Variants in MAP2K5 observed in about 807,000 individuals in gnomAD.
MAP2K5 encodes the protein dual specificity mitogen-activated protein kinase kinase 5.
Under a neutral mutation model 83.1 loss-of-function variants are expected in MAP2K5, and 49 were observed. The ratio of observed to expected loss-of-function variants is 0.59; its 90% CI spans 0.47 to 0.75. MAP2K5 has a LOEUF of 0.75. Ranked by LOEUF, MAP2K5 falls within the 30% of genes least tolerant of loss-of-function variation. The pLI, the probability that MAP2K5 is intolerant of heterozygous loss-of-function variation, is 0.00. For missense variants in MAP2K5, 457 were observed against 557.5 expected (o/e 0.82, Z 1.82); for synonymous variants, 202 against 191.8 (o/e 1.05, Z -0.44).
chr15:67,590,979 G>C (rs1281942511), intron 6 of MAP2K5, among the ~76,000 whole-genome samples: 1 of 152,170 alleles, frequency 6.6e-6, no homozygotes, highest in Non-Finnish European at 1.5e-5. Flanking sequence ...TTGGGGGAGG[G>C]TATGGTAGGA....
chr15:67,664,689 T>TC (rs2087329728), intron 13 of MAP2K5, 44 bp downstream of exon 13: 1 of 1,326,860 alleles, frequency 7.5e-7, no homozygotes, highest in Admixed American at 1.8e-5. Context: ...TGGGGTGGGG[T>TC]TGGGTCTCTC....
At chr15:67,601,085 G>A (rs903510552) in intron 8 of MAP2K5, among the ~76,000 whole-genome samples, 25 of 151,740 alleles carry the variant, frequency 1.6e-4, no homozygotes, top group Non-Finnish European at 2.8e-4. Context: ...AGTACCCTAC[G>A]CTAGTCCCCT....
In MAP2K5 at chr15:67,598,232, A is replaced by G. The variant is rs1269721223; in HGVS notation, c.481-2453A>G. On this transcript the variant is annotated intron_variant, in intron 7 of 21. Transcript: ENST00000178640. ...AAAAAAAAAAACTAAAACTAAAACT[A>G]AAAAACTGTCAATCAGTTCACAGGC... Among the ~76,000 whole-genome samples, 4 of 152,114 alleles carry G rather than the reference A, an allele frequency of 2.6e-5. No individual in the cohort carries two copies. In the East Asian group the frequency reaches 7.7e-4, roughly 29 times the overall value.
At chr15:67,574,230 C>G (rs2085007754) in intron 3 of MAP2K5, among the ~76,000 whole-genome samples, 1 of 152,112 alleles carries the variant, frequency 6.6e-6, no homozygotes, top group Non-Finnish European at 1.5e-5. Flanking sequence ...GGTCACTGGA[C>G]TGGTGAGAAG....
At chr15:67,546,494 C>A in intron 1 of MAP2K5, 1 of 678,968 alleles carries the variant, frequency 1.5e-6, no homozygotes, top group Non-Finnish European at 1.8e-6. Flanking sequence ...GCTGGGAGAC[C>A]CTGGGCAAGT....
At position 67,652,651 on chromosome 15, in the gene MAP2K5, A is replaced by G. The variant is rs1435733413; in HGVS notation, c.737-5902A>G. 6.6e-6 allele frequency among the ~76,000 whole-genome samples: 1 copy of G among 152,214 alleles called. No individual in the cohort carries two copies. Among genetic ancestry groups the G allele is most frequent in the Non-Finnish European group, 1.5e-5 (1 of 68,030 alleles). ...GAGTTTTGAAGGGGACAAATATTCA[A>G]ACTGTATCAGCCATTTTAAGTATAT... On this transcript the variant is annotated intron_variant, in intron 11 of 21. Coordinates refer to ENST00000178640, the MANE Select transcript of MAP2K5 (RefSeq NM_145160.3). This position sits in a 1 kb window ranked among gnomAD's most constrained non-coding sequence, Gnocchi z 4.2.
At chr15:67,548,987 G>C (rs2084452510) in intron 1 of MAP2K5, 1 of 1,398,364 alleles carries the variant, frequency 7.2e-7, no homozygotes, top group Non-Finnish European at 9.3e-7. Flanking sequence ...CTAAAGAATT[G>C]CCTTTAGAAG....
rs1331641521 is a variant in MAP2K5, at chr15:67,697,260, A to G, written c.972+3692A>G. Among the ~76,000 whole-genome samples, 7 of 152,206 alleles carry G rather than the reference A, an allele frequency of 4.6e-5. No homozygotes were observed. The East Asian group carries it at 1.2e-3, about 25-fold the overall frequency. ...TAGTGATAATAACATCAGTAATAATAATAGCTTACACTTAGGTAGCTTTAT... is the reference window on the plus strand; with the variant it reads ...TAGTGATAATAACATCAGTAATAATGATAGCTTACACTTAGGTAGCTTTAT... On this transcript the variant is annotated intron_variant, in intron 15 of 21. Coordinates refer to ENST00000178640, the MANE Select transcript of MAP2K5 (RefSeq NM_145160.3).
rs191801454 is a variant in MAP2K5 at position 67,778,717 on chromosome 15, G to A, written c.1242+5965G>A. The stretch of plus-strand genomic sequence containing the variant: ...ACCTGTTACTGTTTACTAGAAGCAC[G>A]GGGCTCAGATCAATTCAAAATGATC... On this transcript the variant is annotated intron_variant, in intron 21 of 21. Coordinates refer to ENST00000178640, the MANE Select transcript of MAP2K5 (RefSeq NM_145160.3). The surrounding 1 kb of genome is among the most constrained non-coding windows in gnomAD (Gnocchi z 5.0). 2.8e-3 allele frequency among the ~76,000 whole-genome samples: 427 copies of A among 152,248 alleles called. 1 individual carries two copies. The highest frequency in any genetic ancestry group is 9.9e-3 in the African/African-American group (411 of 41,530).
At chr15:67,589,408 C>T (rs2085351738) in intron 6 of MAP2K5, among the ~76,000 whole-genome samples, 1 of 152,172 alleles carries the variant, frequency 6.6e-6, no homozygotes, top group Non-Finnish European at 1.5e-5. Context: ...TACTAATGCA[C>T]ATGGTGTTCC....
rs1350469468 is a variant in MAP2K5, at chr15:67,760,226, G to C, written c.1135-9376G>C. Among the ~76,000 whole-genome samples, 1 of 152,104 alleles carries C rather than the reference G, an allele frequency of 6.6e-6. No individual in the cohort carries two copies. Among genetic ancestry groups the C allele is most frequent in the East Asian group, 1.9e-4 (1 of 5,198 alleles). On this transcript the variant is annotated intron_variant, in intron 19 of 21. Coordinates refer to ENST00000178640, the MANE Select transcript of MAP2K5 (RefSeq NM_145160.3). This position sits in a 1 kb window ranked among gnomAD's most constrained non-coding sequence, Gnocchi z 4.1. ...ACCAAAACACAGCAGTAATCCAAAA[G>C]TTAATGTTCTGTTCACTTATAATTA...
In MAP2K5 at chr15:67,572,998, A is replaced by G. The variant is rs2084979301; in HGVS notation, c.253-7756A>G. On this transcript the variant is annotated intron_variant, in intron 3 of 21. Coordinates refer to ENST00000178640, the MANE Select transcript of MAP2K5 (RefSeq NM_145160.3). The surrounding 1 kb of genome is among the most constrained non-coding windows in gnomAD (Gnocchi z 4.2). ...GGCGTGAGCCACCGTGCCTGGCCTG[A>G]TATTATTTTGTTTAAAGCAAAATTA... Among the ~76,000 whole-genome samples, 1 of 152,080 alleles carries G rather than the reference A, an allele frequency of 6.6e-6. No individual in the cohort carries two copies. The highest frequency in any genetic ancestry group is 1.5e-5 in the Non-Finnish European group (1 of 67,998).
chr15:67,702,373 C>T lies in MAP2K5; in HGVS notation c.973-964C>T, dbSNP rs147435626. Among the ~76,000 whole-genome samples, 505 of 152,264 alleles carry T rather than the reference C, an allele frequency of 3.3e-3. 1 individual carries two copies. Among genetic ancestry groups the T allele is most frequent in the Non-Finnish European group, 5.5e-3 (373 of 68,004 alleles). On this transcript the variant is annotated intron_variant, in intron 15 of 21. Coordinates refer to ENST00000178640, the MANE Select transcript of MAP2K5 (RefSeq NM_145160.3). The surrounding 1 kb of genome is among the most constrained non-coding windows in gnomAD (Gnocchi z 4.6). The stretch of plus-strand genomic sequence containing the variant: ...TAATGATGGTGACAATAATGTTATT[C>T]CTGTAGCCGGCTAGCCAGTTCCATA...
Position 67,752,408 on chromosome 15 carries a change from G to A in MAP2K5, c.1134+3807G>A, listed in dbSNP as rs568338977. 8.3e-4 allele frequency among the ~76,000 whole-genome samples: 127 copies of A among 152,136 alleles called. 1 individual carries two copies. The highest frequency in any genetic ancestry group is 2.8e-3 in the African/African-American group (118 of 41,538). ...CAAAGACTGAAGACAGGCTGGGCAC[G>A]GTGGCTCACGCCTGTAATTCCAGCA... On this transcript the variant is annotated intron_variant, in intron 19 of 21. Coordinates refer to ENST00000178640, the MANE Select transcript of MAP2K5 (RefSeq NM_145160.3).
At position 67,750,859 on chromosome 15, in the gene MAP2K5, G is replaced by C. The variant is rs2089702888; in HGVS notation, c.1134+2258G>C. 6.6e-6 allele frequency among the ~76,000 whole-genome samples: 1 copy of C among 151,830 alleles called. No individual in the cohort carries two copies. Among genetic ancestry groups the C allele is most frequent in the Non-Finnish European group, 1.5e-5 (1 of 67,998 alleles). Reference sequence around the variant, plus strand: ...GTGGGATTTACCCCGTTGTGAAGTGGGTATCTGTTGCTAGTATATACTATT... The same window carrying C: ...GTGGGATTTACCCCGTTGTGAAGTGCGTATCTGTTGCTAGTATATACTATT... On this transcript the variant is annotated intron_variant, in intron 19 of 21. Coordinates refer to ENST00000178640, the MANE Select transcript of MAP2K5 (RefSeq NM_145160.3). This position sits in a 1 kb window ranked among gnomAD's most constrained non-coding sequence, Gnocchi z 4.2.
chr15:67,767,363 T>C (rs1194616526), intron 19 of MAP2K5, among the ~76,000 whole-genome samples: 3 of 152,212 alleles, frequency 2.0e-5, no homozygotes, highest in African/African-American at 7.2e-5. Context: ...GTCCAGAATT[T>C]TAACCATCTT....
rs751957423 is a variant in MAP2K5, at chr15:67,719,928, AC to A, written c.1045-7986del. ...AGTGCACAGAATACCATGGAAAAAG[AC>A]CTTTGCCATTGTTTTTAACTGACTT... On this transcript the variant is annotated intron_variant, in intron 16 of 21. Coordinates refer to ENST00000178640, the MANE Select transcript of MAP2K5 (RefSeq NM_145160.3). The surrounding 1 kb of genome is among the most constrained non-coding windows in gnomAD (Gnocchi z 4.6). Among the ~76,000 whole-genome samples the A allele has an allele frequency of 2.0e-5, 3 of 152,156 alleles. No individual in the cohort carries two copies. In the East Asian group the frequency reaches 5.8e-4, roughly 29 times the overall value.
At chr15:67,615,882 G>A (rs191310896) in intron 8 of MAP2K5, among the ~76,000 whole-genome samples, 56 of 152,098 alleles carry the variant, frequency 3.7e-4, no homozygotes, top group Non-Finnish European at 6.0e-4. Flanking sequence ...GCAGAGAAGC[G>A]TTCTGCATGT....
At chr15:67,751,098 G>T (rs2089709103) in intron 19 of MAP2K5, among the ~76,000 whole-genome samples, 1 of 152,090 alleles carries the variant, frequency 6.6e-6, no homozygotes, top group Admixed American at 6.5e-5. Context: ...TCCTGGAATG[G>T]CCAAAGATGA....
Sources: allele counts gnomAD v4.1 joint callset (sites outside exome capture counted in the v4.1 genomes callset), GRCh38; gene constraint gnomAD v4.1.1; non-coding constraint Gnocchi (gnomAD v3.1); transcripts MANE v1.5; gene names NCBI Gene and HGNC (gene_info 2026-07-23, HGNC 2026-07-21).